KDM2B: variants seen among roughly 807,000 people sequenced by gnomAD.
KDM2B encodes lysine-specific demethylase 2B.
A neutral mutation model predicts 150.0 loss-of-function variants in KDM2B; 26 were observed. That is an observed-to-expected ratio of 0.17 (90% CI 0.13 to 0.24). KDM2B has a LOEUF of 0.24. Ranked by LOEUF, KDM2B falls within the 10% of genes least tolerant of loss-of-function variation. KDM2B has a pLI of 1.00. For synonymous variants in KDM2B, 734 were observed against 729.5 expected, an observed-to-expected ratio of 1.01 and a Z score of -0.10; for missense variants, 1,265 against 1,816.9, an observed-to-expected ratio of 0.70 and a Z score of 5.52.
At chr12:121,455,643 G>C (rs782129862) in intron 12 of KDM2B, among the ~76,000 whole-genome samples, 1 of 152,126 alleles carries the variant, frequency 6.6e-6, no homozygotes, top group Non-Finnish European at 1.5e-5. Context: ...AATTTGAGGT[G>C]GCAGTGAGCT....
At chr12:121,564,525 C>T (rs1890562809) in intron 4 of KDM2B, among the ~76,000 whole-genome samples, 1 of 151,986 alleles carries the variant, frequency 6.6e-6, no homozygotes, top group Non-Finnish European at 1.5e-5. Context: ...AACAAAACTG[C>T]TATTGTTAAT....
chr12:121,466,477 C>T (rs1555294796), intron 12 of KDM2B, among the ~76,000 whole-genome samples: 3 of 152,150 alleles, frequency 2.0e-5, no homozygotes, highest in African/African-American at 4.8e-5. Flanking sequence ...CTGAATCCAC[C>T]GAGGCCAACT....
intron 17 of KDM2B, chr12:121,443,476 G>C (rs1875550562): frequency 1.7e-6 from 1 of 600,336 alleles, no homozygotes. Context: ...TGGACTCACA[G>C]CTTCCATCCC....
the KDM2B span, chr12:121,417,495 T>C: frequency 6.2e-7 from 1 of 1,603,294 alleles, no homozygotes; most frequent in Non-Finnish European, 8.5e-7. The surrounding 1 kb of genome is among the most constrained non-coding windows in gnomAD (Gnocchi z 5.0). Flanking sequence ...AATGCTTTTC[T>C]TTCTTCAGCA....
chr12:121,480,122 A>C (rs1881930997), intron 12 of KDM2B, among the ~76,000 whole-genome samples: 1 of 151,820 alleles, frequency 6.6e-6, no homozygotes, highest in South Asian at 2.1e-4. Context: ...ATGATCAACA[A>C]GTGCTGAAAC....
chr12:121,534,692 G>A (rs1401400157), intron 6 of KDM2B, 102 bp from the exon 7 acceptor site: 6 of 787,140 alleles, frequency 7.6e-6, no homozygotes, highest in Non-Finnish European at 1.3e-5. Context: ...TTTTATAAAC[G>A]CTGACGCTGG....
At position 121,500,607 on chromosome 12, in the gene KDM2B, C is replaced by T. The variant is rs190471924; in HGVS notation, c.1648-5942G>A. 1.5e-4 allele frequency among the ~76,000 whole-genome samples: 23 copies of T among 152,324 alleles called. No individual in the cohort carries two copies. The East Asian group carries it at 4.1e-3, about 27-fold the overall frequency. ...CAAGGCAGGCATCAGGGAAGAATCG[C>T]CATCCACAGGCCGGCAAAGGGAGGC... On this transcript the variant is annotated intron_variant, in intron 11 of 22. Coordinates refer to ENST00000377071, the MANE Select transcript of KDM2B (RefSeq NM_032590.5).
intron 4 of KDM2B, among the ~76,000 whole-genome samples, chr12:121,572,345 C>A (rs537398122): frequency 2.0e-5 from 3 of 152,234 alleles, no homozygotes; most frequent in African/African-American, 7.2e-5. Context: ...CCTACAGGAA[C>A]CTGGGAGGCC....
intron 4 of KDM2B, among the ~76,000 whole-genome samples, chr12:121,551,573 G>A (rs1555311799): frequency 6.6e-6 from 1 of 152,082 alleles, no homozygotes; most frequent in Non-Finnish European, 1.5e-5. Flanking sequence ...TGGTTTTTGA[G>A]ACAAAGTCTC....
rs782225835 is a variant in KDM2B, at chr12:121,509,941, TCTC to T, written c.1270_1272del (p.Glu424del). 8.7e-6 allele frequency: 14 copies of T among 1,611,502 alleles called. No homozygotes were observed. Among genetic ancestry groups the T allele is most frequent in the Admixed American group, 1.7e-5 (1 of 59,896 alleles). ...TCCCTGCCCTCGCCCTCCTCGTCCT[TCTC>T]CTCCTCCTCCTGAGGCTGCTGATCA... On this transcript the variant is annotated inframe_deletion, in exon 11 of 23. Coordinates refer to ENST00000377071, the MANE Select transcript of KDM2B (RefSeq NM_032590.5).
At chr12:121,548,100 T>C (rs540729288) in intron 6 of KDM2B, among the ~76,000 whole-genome samples, 1 of 152,148 alleles carries the variant, frequency 6.6e-6, no homozygotes, top group East Asian at 1.9e-4. Context: ...ATGCCACATG[T>C]TGTGATGTCT....
chr12:121,417,497 T>C, the KDM2B span: 2 of 1,604,026 alleles, frequency 1.2e-6, no homozygotes, highest in South Asian at 1.1e-5. The surrounding 1 kb of genome is among the most constrained non-coding windows in gnomAD (Gnocchi z 5.0). Context: ...TGCTTTTCTT[T>C]CTTCAGCATG....
At chr12:121,509,468 C>A in intron 11 of KDM2B, 99 bp downstream of exon 11, 2 of 1,522,194 alleles carry the variant, frequency 1.3e-6, no homozygotes, top group Non-Finnish European at 1.8e-6. Flanking sequence ...TCAGAGCAAT[C>A]TGCACAGAGC....
At chr12:121,512,042 G>A (rs1362145769) in intron 10 of KDM2B, among the ~76,000 whole-genome samples, 1 of 152,184 alleles carries the variant, frequency 6.6e-6, no homozygotes, top group Non-Finnish European at 1.5e-5. Context: ...AAATGTCCAA[G>A]TGAAAGAACC....
intron 22 of KDM2B, among the ~76,000 whole-genome samples, chr12:121,439,483 G>A (rs554806428): frequency 8.7e-5 from 13 of 150,216 alleles, no homozygotes; most frequent in Non-Finnish European, 8.9e-5. Context: ...AGTTTCAAGC[G>A]ATTCTCCTGC....
the KDM2B span, chr12:121,423,247 T>C: frequency 1.4e-4 from 86 of 598,020 alleles, no homozygotes; most frequent in Non-Finnish European, 2.1e-4. The surrounding 1 kb of genome is among the most constrained non-coding windows in gnomAD (Gnocchi z 4.3). Flanking sequence ...GAAGTTGGGA[T>C]TATTTCTTGT....
At chr12:121,431,642 T>A (rs1593698949) in intron 22 of KDM2B, among the ~76,000 whole-genome samples, 1 of 152,134 alleles carries the variant, frequency 6.6e-6, no homozygotes, top group African/African-American at 2.4e-5. Context: ...GAGCACCACA[T>A]ACGCCACCAA....
the KDM2B span, chr12:121,416,168 A>G: frequency 6.2e-7 from 1 of 1,613,956 alleles, no homozygotes; most frequent in Non-Finnish European, 8.5e-7. Flanking sequence ...GGCGGGTGCC[A>G]CGTCTATGTG....
At chr12:121,431,756 C>T (rs552892371) in intron 22 of KDM2B, among the ~76,000 whole-genome samples, 1 of 152,200 alleles carries the variant, frequency 6.6e-6, no homozygotes, top group Non-Finnish European at 1.5e-5. Flanking sequence ...AGCAGTGGTG[C>T]TGGAAAGCTG....
Sources: allele counts gnomAD v4.1 joint callset (sites outside exome capture counted in the v4.1 genomes callset), GRCh38; gene constraint gnomAD v4.1.1; non-coding constraint Gnocchi (gnomAD v3.1); transcripts MANE v1.5; gene names NCBI Gene and HGNC (gene_info 2026-07-23, HGNC 2026-07-21).